Variants in HEATR4 observed in about 807,000 individuals in gnomAD.
HEATR4 encodes the protein HEAT repeat containing 4, also known as HEAT repeat-containing protein 4.
HEATR4 carries 95 observed loss-of-function variants against 108.8 expected under a neutral mutation model. The observed-to-expected ratio is 0.87, with a 90% confidence interval of 0.74 to 1.04. The LOEUF (loss-of-function observed/expected upper bound fraction) is 1.04. Ranked by LOEUF, HEATR4 falls within the 50% of genes least tolerant of loss-of-function variation. HEATR4 has a pLI of 0.00. For synonymous variants in HEATR4, 443 were observed against 459.4 expected, an observed-to-expected ratio of 0.96 and a Z score of 0.46; for missense variants, 1,152 against 1,253.8, an observed-to-expected ratio of 0.92 and a Z score of 1.23.
Position 73,506,550 on chromosome 14 carries a change from C to T in HEATR4, c.1903G>A (p.Ala635Thr), listed in dbSNP as rs143649458. ...EKTTLIHTML[A>T]VELNSCQWKN... Reference sequence around the variant, plus strand: ...CATTGACAGCTGTTCAGCTCCACAGCAAGCATGGTGTGTATCAGGGTCTGA... The same window carrying T: ...CATTGACAGCTGTTCAGCTCCACAGTAAGCATGGTGTGTATCAGGGTCTGA... Residue 635 changes from alanine (A) to threonine (T), a missense_variant, in exon 10 of 18, where the codon GCT (alanine) becomes ACT (threonine). Ala to Thr is a moderately conservative substitution (Grantham distance 58). Transcript: ENST00000553558. 1.7e-3 allele frequency: 2,687 copies of T among 1,613,502 alleles called. 4 individuals carry two copies. Among genetic ancestry groups the T allele is most frequent in the Non-Finnish European group, 2.0e-3 (2,349 of 1,179,882 alleles).
intron 5 of HEATR4, among the ~76,000 whole-genome samples, chr14:73,518,512 T>C (rs1254209385): frequency 6.6e-6 from 1 of 151,294 alleles, no homozygotes; most frequent in African/African-American, 2.4e-5. Flanking sequence ...GGAAATAGAG[T>C]CTTGTGGAAG....
chr14:73,594,854 C>G, the HEATR4 span, among the ~76,000 whole-genome samples: 1 of 152,194 alleles, frequency 6.6e-6, no homozygotes, highest in African/African-American at 2.4e-5. Context: ...GCGTGCGCCA[C>G]CACACTCGGC....
the HEATR4 span, chr14:73,592,103 C>T: frequency 6.6e-7 from 1 of 1,506,428 alleles, no homozygotes; most frequent in East Asian, 2.7e-5. Context: ...TCTTCCGGGC[C>T]CACGCGCGCT....
At chr14:73,620,949 A>G in the HEATR4 span, among the ~76,000 whole-genome samples, 1 of 151,792 alleles carries the variant, frequency 6.6e-6, no homozygotes, top group African/African-American at 2.4e-5. Flanking sequence ...TCACGCCTGT[A>G]GTCCCAGCAC....
chr14:73,478,933 T>C, intron 17 of HEATR4, 91 bp from the exon 18 acceptor site: 1 of 922,262 alleles, frequency 1.1e-6, no homozygotes, highest in Non-Finnish European at 1.6e-6. Flanking sequence ...GGCTATAGGG[T>C]GTCTCCTTTT....
chr14:73,520,160 C>G (rs766187331), intron 4 of HEATR4: 1 of 152,120 alleles, frequency 6.6e-6, no homozygotes. Context: ...AGTTTAGGAA[C>G]AAGATGGGGC....
the HEATR4 span, among the ~76,000 whole-genome samples, chr14:73,588,510 T>A: frequency 1.3e-5 from 2 of 152,164 alleles, no homozygotes; most frequent in African/African-American, 2.4e-5. Context: ...CCAGGGGCAA[T>A]GGTGGCAATC....
At chr14:73,490,460 G>A (rs1200018409) in intron 17 of HEATR4, among the ~76,000 whole-genome samples, 1 of 152,168 alleles carries the variant, frequency 6.6e-6, no homozygotes, top group Non-Finnish European at 1.5e-5. Flanking sequence ...GACTACAGGC[G>A]CCCAGCACCA....
At chr14:73,525,201 G>GT (rs1324146667) in intron 2 of HEATR4, among the ~76,000 whole-genome samples, 1 of 151,898 alleles carries the variant, frequency 6.6e-6, no homozygotes, top group Non-Finnish European at 1.5e-5. Context: ...CCAGCTATCT[G>GT]TTTTTTATTT....
the HEATR4 span, among the ~76,000 whole-genome samples, chr14:73,577,473 G>A: frequency 7.2e-6 from 1 of 139,316 alleles, no homozygotes; most frequent in Non-Finnish European, 1.5e-5. Flanking sequence ...ATCTGGGACA[G>A]TTGCTCATAG....
chr14:73,598,479 G>C, the HEATR4 span, among the ~76,000 whole-genome samples: 1 of 152,052 alleles, frequency 6.6e-6, no homozygotes, highest in Non-Finnish European at 1.5e-5. Flanking sequence ...CACTAGAGTA[G>C]AGCGGCAGTG....
rs754810795 is a variant in HEATR4 at position 73,521,045 on chromosome 14, C to T, written c.882-6G>A. On this transcript the variant is annotated splice_region_variant and splice_polypyrimidine_tract_variant and intron_variant, in intron 3 of 17. Transcript: ENST00000553558. ...GTTGGAAGTAACTGGGCAATCTTGG[C>T]AGGGGTGAGAAAGGAGGGAAAAGGG... The T allele has an allele frequency of 2.5e-5, 41 of 1,611,686 alleles. No individual in the cohort carries two copies. The highest frequency in any genetic ancestry group is 3.2e-5 in the Non-Finnish European group (38 of 1,178,550).
the HEATR4 span, chr14:73,612,951 G>C: frequency 7.9e-7 from 1 of 1,267,870 alleles, no homozygotes; most frequent in Non-Finnish European, 1.0e-6. Context: ...CAGAACAAGC[G>C]CGACTTTCTC....
intron 1 of HEATR4, chr14:73,537,085 G>A (rs142100737): frequency 0.013 from 2,647 of 205,616 alleles, 580 homozygotes; most frequent in African/African-American, 0.067. Flanking sequence ...CCGGGATCAC[G>A]CCATTCTCCT....
chr14:73,545,027 G>GA lies in HEATR4; in HGVS notation c.-152+13723dup, dbSNP rs112604801. Among the ~76,000 whole-genome samples the GA allele has an allele frequency of 7.2e-3, 720 of 100,398 alleles. 244 individuals are homozygous for GA. In the East Asian group the frequency reaches 0.2, roughly 28 times the overall value. The allele number at this position is 100,398 out of a possible 152,430, so 65.9% of individuals were successfully genotyped here. A position where few individuals can be genotyped will look rare whatever the true frequency, so the allele number is the denominator to read the frequency against. On this transcript the variant is annotated intron_variant, in intron 1 of 17. Transcript: ENST00000553558. ...TCTTAAACCTTAGTTGTATTTAAAA[G>GA]AAAAAAAAAACCTTAATTTATTATT... is the stretch of plus-strand genomic sequence containing the variant.
At chr14:73,605,534 T>TGCA in the HEATR4 span, among the ~76,000 whole-genome samples, 1 of 147,448 alleles carries the variant, frequency 6.8e-6, no homozygotes, top group Non-Finnish European at 1.5e-5. Context: ...TTAGGAATCA[T>TGCA]GCAGCTGGAG....
rs1487273069 is a variant in HEATR4 at position 73,520,954 on chromosome 14, G to T, written c.967C>A (p.Leu323Ile). The T allele has an allele frequency of 3.1e-6, 5 of 1,613,984 alleles. No individual in the cohort carries two copies. Among genetic ancestry groups the T allele is most frequent in the Non-Finnish European group, 4.2e-6 (5 of 1,180,020 alleles). Residue 323 changes from leucine (L) to isoleucine (I), a missense_variant, in exon 4 of 18, where the codon CTC becomes ATC. Physicochemically the swap from Leu to Ile is conservative, Grantham distance 5. Transcript: ENST00000553558. ...STEDIHEKTS[L>I]SQPQTQSYFR... ...TAGCTCTGGGTTTGGGGCTGGGAGA[G>T]GCTCGTCTTTTCATGGATATCCTCA... is the stretch of plus-strand genomic sequence containing the variant.
chr14:73,599,337 T>C, the HEATR4 span, among the ~76,000 whole-genome samples: 205 of 152,320 alleles, frequency 1.3e-3, no homozygotes, highest in African/African-American at 4.5e-3. Context: ...GTTTCAGTTA[T>C]CTATTGTTGT....
chr14:73,501,421 G>A (rs529048736), intron 11 of HEATR4, among the ~76,000 whole-genome samples: 114 of 151,210 alleles, frequency 7.5e-4, no homozygotes, highest in Non-Finnish European at 1.4e-3. Context: ...CACCGCGCCC[G>A]GCCTTAAATT....
Sources: gnomAD v4.1 joint callset for allele counts (sites outside exome capture counted in the v4.1 genomes callset) on GRCh38, gnomAD v4.1.1 for gene constraint, MANE v1.5 for transcripts, NCBI Gene and HGNC (gene_info 2026-07-23, HGNC 2026-07-21) for gene names.